Variants in KAZN observed in about 807,000 individuals in gnomAD.
The protein encoded by KAZN is kazrin, periplakin interacting protein.
Under a neutral mutation model 87.4 loss-of-function variants are expected in KAZN, and 40 were observed. That is an observed-to-expected ratio of 0.46 (90% CI 0.36 to 0.60). KAZN has a LOEUF of 0.60. Ranked by LOEUF, KAZN falls within the 20% of genes least tolerant of loss-of-function variation. KAZN has a pLI of 0.00. For synonymous variants in KAZN, 466 were observed against 458.3 expected, an observed-to-expected ratio of 1.02 and a Z score of -0.22; for missense variants, 898 against 1,073.9, an observed-to-expected ratio of 0.84 and a Z score of 2.29.
At chr1:14,657,753 AT>A (rs1638898762) in intron 1 of KAZN, among the ~76,000 whole-genome samples, 1 of 152,140 alleles carries the variant, frequency 6.6e-6, no homozygotes, top group South Asian at 2.1e-4. Flanking sequence ...AACCTTCCCC[AT>A]CCCCCCAGAG....
Position 15,116,553 on chromosome 1 carries a change from A to C in KAZN, c.*1918A>C, listed in dbSNP as rs1443379659. The stretch of plus-strand genomic sequence containing the variant: ...CATTATCTTCATGACATTCGGCCTC[A>C]TCCATAGGGTCCTGAAGCTGCAGTC... On this transcript the variant is annotated 3_prime_UTR_variant, in exon 15 of 15. Transcript: ENST00000376030. The C allele has an allele frequency of 2.0e-5, 3 of 152,160 alleles. No individual in the cohort carries two copies. The highest frequency in any genetic ancestry group is 7.2e-5 in the African/African-American group (3 of 41,430). 9.4% of individuals were successfully genotyped at this position (152,160 alleles called of 1,614,324 possible).
intron 1 of KAZN, among the ~76,000 whole-genome samples, chr1:14,919,093 G>C (rs1405217888): frequency 1.3e-5 from 2 of 152,116 alleles, no homozygotes; most frequent in Non-Finnish European, 2.9e-5. Flanking sequence ...AACTGCAGTG[G>C]GCAGAGCTAG....
chr1:13,896,433 G>T (rs139410669), intron 1 of KAZN, among the ~76,000 whole-genome samples: 1 of 152,154 alleles, frequency 6.6e-6, no homozygotes, highest in Non-Finnish European at 1.5e-5. Context: ...GGGACCACAG[G>T]CATGTACCAC....
chr1:14,851,067 C>T (rs543079420), intron 1 of KAZN, among the ~76,000 whole-genome samples: 199 of 152,298 alleles, frequency 1.3e-3, no homozygotes, highest in African/African-American at 4.4e-3. Context: ...ATGCCTTTGT[C>T]GGGTTGGCCC....
At chr1:15,110,259 TTG>T (rs56366078) in intron 13 of KAZN, among the ~76,000 whole-genome samples, 3 of 151,196 alleles carry the variant, frequency 2.0e-5, no homozygotes, top group South Asian at 2.1e-4. Context: ...GTATGTGCAC[TTG>T]TGTGTGTATA....
intron 1 of KAZN, among the ~76,000 whole-genome samples, chr1:14,685,086 G>A (rs1640875414): frequency 6.6e-6 from 1 of 152,158 alleles, no homozygotes; most frequent in East Asian, 1.9e-4. Context: ...CAAATTCTGA[G>A]ACAAGGATTC....
intron 1 of KAZN, among the ~76,000 whole-genome samples, chr1:14,117,504 C>T (rs1298875527): frequency 1.3e-5 from 2 of 152,116 alleles, no homozygotes; most frequent in Non-Finnish European, 2.9e-5. Flanking sequence ...TTCCTGGTCT[C>T]AAGTATGTCT....
At chr1:13,894,750 G>A (rs1638971360) in intron 1 of KAZN, among the ~76,000 whole-genome samples, 1 of 152,114 alleles carries the variant, frequency 6.6e-6, no homozygotes, top group African/African-American at 2.4e-5. Flanking sequence ...TGGGGTATCC[G>A]TCCCCTGCTG....
At chr1:13,913,936 A>T (rs542115400) in intron 1 of KAZN, among the ~76,000 whole-genome samples, 1 of 152,158 alleles carries the variant, frequency 6.6e-6, no homozygotes. Flanking sequence ...GACCAGCATC[A>T]CCTGGGAACT....
At chr1:14,924,426 C>A in intron 1 of KAZN, 2 of 988,100 alleles carry the variant, frequency 2.0e-6, no homozygotes, top group Non-Finnish European at 2.4e-6. Context: ...CAGGGCGAGC[C>A]GGCGCCTTCC....
At chr1:13,949,247 A>G (rs1641256042) in intron 1 of KAZN, among the ~76,000 whole-genome samples, 1 of 152,146 alleles carries the variant, frequency 6.6e-6, no homozygotes, top group African/African-American at 2.4e-5. Context: ...TTATTGCAAA[A>G]CATCTGCTGG....
intron 3 of KAZN, among the ~76,000 whole-genome samples, chr1:15,040,794 AAAAC>A (rs1573148146): frequency 6.6e-6 from 1 of 151,840 alleles, no homozygotes; most frequent in East Asian, 1.9e-4. Flanking sequence ...AAAGGAAACA[AAAAC>A]AAACAAACAA....
chr1:14,619,457 C>T (rs913076082), intron 1 of KAZN, among the ~76,000 whole-genome samples: 2 of 152,104 alleles, frequency 1.3e-5, no homozygotes, highest in African/African-American at 4.8e-5. Context: ...CACCTCAGCC[C>T]CCAAAGCACT....
At chr1:13,944,590 C>T (rs539989469) in intron 1 of KAZN, among the ~76,000 whole-genome samples, 1 of 152,208 alleles carries the variant, frequency 6.6e-6, no homozygotes, top group East Asian at 1.9e-4. Flanking sequence ...AGCACAAAGG[C>T]AGATGAAAGT....
At chr1:13,970,515 T>G (rs1204622426) in intron 1 of KAZN, among the ~76,000 whole-genome samples, 3 of 152,190 alleles carry the variant, frequency 2.0e-5, no homozygotes, top group African/African-American at 7.2e-5. Context: ...CTTGCAAACG[T>G]TCACTCATTA....
intron 2 of KAZN, among the ~76,000 whole-genome samples, chr1:14,453,348 T>G (rs1667387856): frequency 6.6e-6 from 1 of 152,202 alleles, no homozygotes; most frequent in African/African-American, 2.4e-5. Flanking sequence ...AGAGATTTTT[T>G]TAAAAGTGTT....
At chr1:13,948,194 C>G (rs192201352) in intron 1 of KAZN, among the ~76,000 whole-genome samples, 120 of 152,284 alleles carry the variant, frequency 7.9e-4, no homozygotes, top group Non-Finnish European at 1.6e-3. Context: ...ATTCTGGAAA[C>G]GTCAGGCTGC....
chr1:14,252,971 A>G (rs1650181874), intron 2 of KAZN, among the ~76,000 whole-genome samples: 1 of 152,124 alleles, frequency 6.6e-6, no homozygotes, highest in Non-Finnish European at 1.5e-5. Flanking sequence ...AGGGTAGAAA[A>G]TTCTGCAAGA....
chr1:14,486,509 G>A (rs563535965), intron 2 of KAZN, among the ~76,000 whole-genome samples: 10 of 152,186 alleles, frequency 6.6e-5, no homozygotes, highest in East Asian at 1.9e-4. Flanking sequence ...TTACTCTACC[G>A]TTGTATGTTA....
Sources: allele counts gnomAD v4.1 joint callset (sites outside exome capture counted in the v4.1 genomes callset), GRCh38; gene constraint gnomAD v4.1.1; transcripts MANE v1.5; gene names NCBI Gene and HGNC (gene_info 2026-07-23, HGNC 2026-07-21).